The following SAMD5 variants were observed in gnomAD, a reference collection of about 807,000 sequenced individuals.
SAMD5 encodes sterile alpha motif domain containing 5.
In SAMD5, 13 loss-of-function variants were observed where a neutral mutation model predicts 11.3. That is an observed-to-expected ratio of 1.15 (90% confidence interval 0.75 to 1.83). The LOEUF (loss-of-function observed/expected upper bound fraction) is 1.83, where lower values mean the gene tolerates loss of function less well. Among genes scored for constraint, SAMD5 ranks in the 40% most tolerant of loss-of-function variants. The pLI, the probability that SAMD5 is intolerant of heterozygous loss-of-function variation, is 0.00. For missense variants in SAMD5, 255 were observed against 239.1 expected, an observed-to-expected ratio of 1.07 and a Z score of -0.44; for synonymous variants, 129 against 111.3, an observed-to-expected ratio of 1.16 and a Z score of -1.00.
At chr6:147,616,650 A>G (rs1789877773) in intron 1 of SAMD5, among the ~76,000 whole-genome samples, 1 of 152,240 alleles carries the variant, frequency 6.6e-6, no homozygotes, top group Admixed American at 6.5e-5. Flanking sequence ...TCATACTCCA[A>G]TAAAGAAATA....
chr6:147,858,528 G>A, the SAMD5 span, among the ~76,000 whole-genome samples: 2 of 152,228 alleles, frequency 1.3e-5, no homozygotes, highest in Non-Finnish European at 2.9e-5. Context: ...TGCTTCAGAA[G>A]TAATTAAGCA....
At chr6:147,762,360 A>G in the SAMD5 span, among the ~76,000 whole-genome samples, 3 of 151,916 alleles carry the variant, frequency 2.0e-5, no homozygotes, top group Non-Finnish European at 4.4e-5. Context: ...CACCACATCC[A>G]GCTAATTTTT....
intron 1 of SAMD5, among the ~76,000 whole-genome samples, chr6:147,580,788 T>G (rs1256461287): frequency 6.6e-6 from 1 of 151,256 alleles, no homozygotes; most frequent in Non-Finnish European, 1.5e-5. Flanking sequence ...TTTAAAGACA[T>G]AAATTTCTTT....
chr6:147,946,195 C>G, the SAMD5 span, among the ~76,000 whole-genome samples: 601 of 152,256 alleles, frequency 3.9e-3, 6 homozygotes, highest in African/African-American at 0.012. Flanking sequence ...CCTTTCTGGC[C>G]ACCCTAACAC....
chr6:147,715,313 A>G (rs1791451381), intron 1 of SAMD5, among the ~76,000 whole-genome samples: 1 of 152,246 alleles, frequency 6.6e-6, no homozygotes, highest in African/African-American at 2.4e-5. Flanking sequence ...CACTGTGCAC[A>G]GCCAGGCACA....
chr6:147,737,483 C>A (rs1791821397), exon 2 of SAMD5: 1 of 414,372 alleles, frequency 2.4e-6, no homozygotes. Flanking sequence ...TGCCAGAATA[C>A]TGAAGGCAGT....
chr6:147,818,709 A>T, the SAMD5 span, among the ~76,000 whole-genome samples: 1 of 152,144 alleles, frequency 6.6e-6, no homozygotes, highest in Non-Finnish European at 1.5e-5. Flanking sequence ...AATGGCCCGG[A>T]CCTGTCTCTG....
the SAMD5 span, among the ~76,000 whole-genome samples, chr6:147,800,541 G>C: frequency 6.6e-6 from 1 of 152,210 alleles, no homozygotes; most frequent in African/African-American, 2.4e-5. Flanking sequence ...TGCCCTGCCC[G>C]CAGAGGTGGA....
intron 1 of SAMD5, among the ~76,000 whole-genome samples, chr6:147,714,817 CCATACT>C (rs1324395436): frequency 6.6e-6 from 1 of 152,140 alleles, no homozygotes; most frequent in East Asian, 1.9e-4. Flanking sequence ...GGTCTTGGGG[CCATACT>C]TTGAGTAACG....
intron 1 of SAMD5, among the ~76,000 whole-genome samples, chr6:147,624,437 G>T (rs757097571): frequency 6.6e-6 from 1 of 152,110 alleles, no homozygotes; most frequent in Admixed American, 6.6e-5. Context: ...AATTAAAAAC[G>T]TTACGTTTCA....
intron 1 of SAMD5, among the ~76,000 whole-genome samples, chr6:147,542,193 TAGAGAGAGTACC>T (rs1176871500): frequency 1.3e-5 from 2 of 152,102 alleles, no homozygotes; most frequent in Non-Finnish European, 2.9e-5. Context: ...ACCCTGCCAG[TAGAGAGAGTACC>T]AGAGTCCCCA....
At chr6:147,573,957 T>C (rs1789176206), downstream of SAMD5, among the ~76,000 whole-genome samples, 1 of 151,886 alleles carries the variant, frequency 6.6e-6, no homozygotes, top group Non-Finnish European at 1.5e-5. Flanking sequence ...ACCCCATCTC[T>C]ACTAAAAAAA....
At position 147,613,866 on chromosome 6, in the gene SAMD5, C is replaced by T. The variant is rs939181506; in HGVS notation, c.162+104479C>T. ...TTCTTCCCTCTGTCCTCCGTGGCTC[C>T]GCCTCCCAGCTGCATTCATCCACCA... On this transcript the variant is annotated intron_variant, in intron 1 of 1. Transcript: ENST00000566741. 3.3e-5 allele frequency among the ~76,000 whole-genome samples: 5 copies of T among 151,976 alleles called. No individual in the cohort carries two copies. The East Asian group carries it at 5.8e-4, about 18-fold the overall frequency.
chr6:147,871,276 T>A, the SAMD5 span, among the ~76,000 whole-genome samples: 22 of 152,268 alleles, frequency 1.4e-4, no homozygotes, highest in African/African-American at 4.3e-4. Flanking sequence ...AACTAATATT[T>A]TAGAGTTACA....
chr6:147,511,929 G>A (rs1222882527), intron 1 of SAMD5, among the ~76,000 whole-genome samples: 1 of 151,962 alleles, frequency 6.6e-6, no homozygotes, highest in Admixed American at 6.6e-5. Flanking sequence ...ACTTTCCTTG[G>A]CTTTGTCATG....
chr6:147,540,948 T>A (rs557751710), intron 1 of SAMD5, among the ~76,000 whole-genome samples: 37 of 141,222 alleles, frequency 2.6e-4, no homozygotes, highest in Non-Finnish European at 5.1e-4. Context: ...TTTTTTTTTT[T>A]TTTTTTTTTT....
chr6:147,913,627 C>T, the SAMD5 span, among the ~76,000 whole-genome samples: 6 of 151,988 alleles, frequency 3.9e-5, no homozygotes, highest in African/African-American at 7.3e-5. Flanking sequence ...ACCCGGGAGG[C>T]GGAGGTTGCA....
chr6:147,608,038 G>A (rs892950533), intron 1 of SAMD5, among the ~76,000 whole-genome samples: 2 of 152,148 alleles, frequency 1.3e-5, no homozygotes, highest in Non-Finnish European at 2.9e-5. Flanking sequence ...ATAAAAAGGT[G>A]CTTAACATCA....
At chr6:147,750,516 C>T in the SAMD5 span, among the ~76,000 whole-genome samples, 21 of 152,172 alleles carry the variant, frequency 1.4e-4, no homozygotes, top group African/African-American at 4.3e-4. Flanking sequence ...TGCAAGGATC[C>T]GTTGCTTCTC....
Sources: allele counts gnomAD v4.1 joint callset (sites outside exome capture counted in the v4.1 genomes callset), GRCh38; gene constraint gnomAD v4.1.1; transcripts MANE v1.5; gene names NCBI Gene and HGNC (gene_info 2026-07-23, HGNC 2026-07-21).